NFIB: variants seen among roughly 807,000 people sequenced by gnomAD.
NFIB encodes the protein nuclear factor I B.
NFIB carries 11 observed loss-of-function variants against 61.5 expected under a neutral mutation model. The observed-to-expected ratio is 0.18, with a 90% CI of 0.11 to 0.30. NFIB has a LOEUF of 0.30. Ranked by LOEUF, NFIB falls within the 10% of genes least tolerant of loss-of-function variation. The probability of loss-of-function intolerance (pLI) is 1.00; values close to 1 mark genes in which losing one functional copy is unlikely to be tolerated. For synonymous variants in NFIB, 260 were observed against 216.5 expected, an observed-to-expected ratio of 1.20 and a Z score of -1.76; for missense variants, 471 against 608.9, an observed-to-expected ratio of 0.77 and a Z score of 2.38.
chr9:14,099,260 T>C lies in NFIB; in HGVS notation c.1468-10934A>G, dbSNP rs117609514. ...ACCACAACAAAAATAACCTGTGATA[T>C]TTTATTTATTCCATCGTGACAAAGG... On this transcript the variant is annotated intron_variant, in intron 10 of 10. Transcript: ENST00000380953. Among the ~76,000 whole-genome samples the C allele has an allele frequency of 4.8e-3, 734 of 152,308 alleles. 15 individuals are homozygous for C. The highest frequency in any genetic ancestry group is 0.038 in the Admixed American group (584 of 15,298).
chr9:14,101,411 C>A (rs1038235804), intron 10 of NFIB, among the ~76,000 whole-genome samples: 2 of 152,126 alleles, frequency 1.3e-5, no homozygotes, highest in South Asian at 4.1e-4. Flanking sequence ...TATTTTGATT[C>A]TTTAAAATCT....
chr9:14,323,499 C>T (rs1785554223), intron 1 of NFIB, among the ~76,000 whole-genome samples: 1 of 151,946 alleles, frequency 6.6e-6, no homozygotes, highest in African/African-American at 2.4e-5. Flanking sequence ...TAACACTAGC[C>T]CTAACATTTA....
the NFIB span, among the ~76,000 whole-genome samples, chr9:14,488,724 A>G: frequency 6.6e-6 from 1 of 152,214 alleles, no homozygotes. Flanking sequence ...TCTATGGGAC[A>G]ACATTACTAT....
chr9:14,517,155 T>C, the NFIB span, among the ~76,000 whole-genome samples: 1 of 152,162 alleles, frequency 6.6e-6, no homozygotes, highest in African/African-American at 2.4e-5. Flanking sequence ...ATCTAAAATT[T>C]CACATAATTT....
chr9:14,181,749 C>T (rs2046806345), intron 2 of NFIB, among the ~76,000 whole-genome samples: 2 of 152,146 alleles, frequency 1.3e-5, no homozygotes, highest in Admixed American at 1.3e-4. Context: ...ACCCACTGAC[C>T]AGAGCCTCCC....
chr9:14,420,136 C>T, the NFIB span, among the ~76,000 whole-genome samples: 1 of 152,064 alleles, frequency 6.6e-6, no homozygotes, highest in African/African-American at 2.4e-5. Context: ...CTTTTCTCAA[C>T]ACTTCAATCA....
At chr9:14,227,911 T>C (rs1295934953) in intron 2 of NFIB, among the ~76,000 whole-genome samples, 2 of 152,232 alleles carry the variant, frequency 1.3e-5, no homozygotes, top group East Asian at 1.9e-4. Context: ...TCATGTCTTA[T>C]TATGGTGTTA....
At chr9:14,122,575 C>T (rs1156309489) in intron 7 of NFIB, among the ~76,000 whole-genome samples, 1 of 152,110 alleles carries the variant, frequency 6.6e-6, no homozygotes, top group Non-Finnish European at 1.5e-5. Context: ...GAAGTATACC[C>T]ATTTGAAAGT....
chr9:14,492,399 A>C, the NFIB span, among the ~76,000 whole-genome samples: 3 of 140,366 alleles, frequency 2.1e-5, no homozygotes, highest in Admixed American at 2.2e-4. Flanking sequence ...AATATTTAAA[A>C]AATAAAAAGA....
intron 6 of NFIB, among the ~76,000 whole-genome samples, chr9:14,130,071 CT>C (rs913131297): frequency 6.6e-6 from 1 of 151,370 alleles, no homozygotes; most frequent in African/African-American, 2.4e-5. Flanking sequence ...AAAAATTTGA[CT>C]TTTTTTTTCT....
At chr9:14,423,400 G>A in the NFIB span, among the ~76,000 whole-genome samples, 4 of 152,206 alleles carry the variant, frequency 2.6e-5, no homozygotes, top group Non-Finnish European at 5.9e-5. Flanking sequence ...ATGTGGACAA[G>A]GGGACTGATT....
chr9:14,167,043 C>G (rs2044883612), intron 3 of NFIB, among the ~76,000 whole-genome samples: 1 of 143,718 alleles, frequency 7.0e-6, no homozygotes, highest in Non-Finnish European at 1.5e-5. Context: ...CTTGTTCCTC[C>G]ATATTTTCTC....
chr9:14,162,369 G>A (rs1316181415), intron 3 of NFIB, among the ~76,000 whole-genome samples: 1 of 151,960 alleles, frequency 6.6e-6, no homozygotes, highest in Non-Finnish European at 1.5e-5. Context: ...CATTAGTAGA[G>A]ATTCTCCGGT....
At chr9:14,372,705 G>A (rs1017722746) in intron 1 of NFIB, among the ~76,000 whole-genome samples, 20 of 152,106 alleles carry the variant, frequency 1.3e-4, no homozygotes, top group Non-Finnish European at 1.2e-4. Flanking sequence ...TATAACATGT[G>A]GTCCAGCGGG....
At chr9:14,349,555 C>T (rs185173342) in intron 1 of NFIB, among the ~76,000 whole-genome samples, 1 of 152,032 alleles carries the variant, frequency 6.6e-6, no homozygotes, top group Non-Finnish European at 1.5e-5. Flanking sequence ...CGTTTGGGGT[C>T]CAAAGGGAAG....
chr9:14,497,696 C>CT, the NFIB span, among the ~76,000 whole-genome samples: 1 of 152,208 alleles, frequency 6.6e-6, no homozygotes, highest in Non-Finnish European at 1.5e-5. Context: ...TGTACACGTG[C>CT]TTTATCCCTG....
chr9:14,125,667 T>A lies in NFIB; in HGVS notation c.1025A>T (p.His342Leu). ...SSPRLSTFPQ[H>L]HHPGIPGVAH... is the part of the protein sequence containing the mutation. ...AACTCCAGGTATTCCGGGATGGTGG[T>A]GCTGGGGGAAAGTGCTCAGTCTTGG... The change falls in exon 7 of 11, where the codon CAC becomes CTC. Residue 342 changes from histidine to leucine, a missense_variant. His to Leu is a moderately conservative substitution (Grantham distance 99). This residue lies in a region of NFIB where 372 missense variants were observed against 395.6 expected (regional missense o/e 0.94). Transcript: ENST00000380953. The A allele has an allele frequency of 6.2e-7, 1 of 1,614,148 alleles. No homozygotes were observed. The highest frequency in any genetic ancestry group is 2.2e-5 in the East Asian group (1 of 44,872).
chr9:14,427,937 G>GTTGTTTTTTTTTTTTT, the NFIB span, among the ~76,000 whole-genome samples: 11 of 43,384 alleles, frequency 2.5e-4, no homozygotes, highest in Admixed American at 3.5e-4. Context: ...TAATTCAGTT[G>GTTGTTTTTTTTTTTTT]TTTTTTTTTT....
At chr9:14,153,873 G>A (rs2043116222) in intron 4 of NFIB, among the ~76,000 whole-genome samples, 1 of 152,124 alleles carries the variant, frequency 6.6e-6, no homozygotes, top group South Asian at 2.1e-4. Flanking sequence ...AAACACTTAG[G>A]AGGAGAACTT....
Sources: allele counts gnomAD v4.1 joint callset (sites outside exome capture counted in the v4.1 genomes callset), GRCh38; gene constraint gnomAD v4.1.1; regional missense constraint gnomAD v4.1.1; transcripts MANE v1.5; gene names NCBI Gene and HGNC (gene_info 2026-07-23, HGNC 2026-07-21).